AOX1: variants seen among roughly 807,000 people sequenced by gnomAD.
The protein encoded by AOX1 is aldehyde oxidase.
In AOX1, 153 loss-of-function variants were observed where a neutral mutation model predicts 169.5. The ratio of observed to expected loss-of-function variants is 0.90; its 90% CI spans 0.79 to 1.03. The LOEUF (loss-of-function observed/expected upper bound fraction) is 1.03, where lower values mean the gene tolerates loss of function less well. Among genes scored for constraint, AOX1 ranks in the 50% least tolerant of loss-of-function variants. The pLI, the probability that AOX1 is intolerant of heterozygous loss-of-function variation, is 0.00. For synonymous variants in AOX1, 562 were observed against 581.9 expected, an observed-to-expected ratio of 0.97 and a Z score of 0.49; for missense variants, 1,656 against 1,663.9, an observed-to-expected ratio of 1.00 and a Z score of 0.08.
chr2:200,623,725 A>T lies in AOX1; in HGVS notation c.2002-136A>T, dbSNP rs890885512. 13 of 1,320,090 alleles carry T rather than the reference A, an allele frequency of 9.8e-6. No individual in the cohort carries two copies. The Admixed American group carries it at 2.4e-4, about 25-fold the overall frequency. 81.8% of individuals were successfully genotyped at this position (1,320,090 alleles called of 1,614,324 possible). On this transcript the variant is annotated intron_variant, in intron 18 of 34. Transcript: ENST00000374700. ...CAGCTGTGGTTATAGTCATGGACAG[A>T]TGTGGAGGGGTCACACCTGTGTGTA...
intron 26 of AOX1, among the ~76,000 whole-genome samples, chr2:200,654,708 G>A (rs746829634): frequency 7.9e-5 from 12 of 152,304 alleles, no homozygotes; most frequent in Middle Eastern, 3.4e-3. Context: ...ACTTCTCATC[G>A]ATACCAGTAG....
chr2:200,639,264 C>T (rs1345904667), intron 23 of AOX1, among the ~76,000 whole-genome samples: 1 of 152,132 alleles, frequency 6.6e-6, no homozygotes, highest in African/African-American at 2.4e-5. Context: ...GGGCAGCAGA[C>T]AGGGAAGCGA....
At chr2:200,661,147 G>A (rs563894229) in intron 29 of AOX1, among the ~76,000 whole-genome samples, 1 of 152,258 alleles carries the variant, frequency 6.6e-6, no homozygotes, top group South Asian at 2.1e-4. Context: ...TGAAACAAAT[G>A]TGTCCAGAAA....
chr2:200,596,287 C>G (rs2106367495), intron 3 of AOX1, among the ~76,000 whole-genome samples: 1 of 152,310 alleles, frequency 6.6e-6, no homozygotes, highest in South Asian at 2.1e-4. Context: ...AGGGATTTCT[C>G]TTTGCTTACC....
chr2:200,638,086 A>G (rs1321248030), intron 22 of AOX1, 129 bp from the exon 23 acceptor site: 1 of 728,060 alleles, frequency 1.4e-6, no homozygotes, highest in East Asian at 2.9e-5. Flanking sequence ...GAGGATAGGC[A>G]TGCGAAATAG....
chr2:200,612,682 G>C lies in AOX1; in HGVS notation c.1337G>C (p.Arg446Thr). 1 of 1,614,144 alleles carries C rather than the reference G, an allele frequency of 6.2e-7. No homozygotes were observed. Among genetic ancestry groups the C allele is most frequent in the Non-Finnish European group, 8.5e-7 (1 of 1,180,020 alleles). Residue 446 changes from arginine (R) to threonine (T), a missense_variant, in exon 14 of 35, where the codon AGA (arginine) becomes ACA (threonine). By Grantham distance (71) the Arg-to-Thr change is moderately conservative. Transcript: ENST00000374700. Reference sequence around the variant, plus strand: ...CTAGCGATAGTCAATTCAGGAATGAGAGTCTTTTTTGGAGAAGGGGATGGC... The same window carrying C: ...CTAGCGATAGTCAATTCAGGAATGACAGTCTTTTTTGGAGAAGGGGATGGC... ...NALAIVNSGMRVFFGEGDGII... is the reference protein window; with the variant it reads ...NALAIVNSGMTVFFGEGDGII...
At chr2:200,664,572 G>T (rs527759775) in intron 31 of AOX1, among the ~76,000 whole-genome samples, 2 of 152,200 alleles carry the variant, frequency 1.3e-5, no homozygotes, top group African/African-American at 4.8e-5. Flanking sequence ...AAATTTTAAG[G>T]CATGTTCCTA....
At chr2:200,665,576 C>T (rs2035910164) in intron 31 of AOX1, among the ~76,000 whole-genome samples, 1 of 152,132 alleles carries the variant, frequency 6.6e-6, no homozygotes. Context: ...GGACTACAGG[C>T]ACGTGCCATC....
chr2:200,610,594 A>G (rs1273636336), intron 12 of AOX1, among the ~76,000 whole-genome samples: 2 of 152,210 alleles, frequency 1.3e-5, no homozygotes, highest in African/African-American at 4.8e-5. Flanking sequence ...AAAAAGTAAG[A>G]TAACATCTCA....
At chr2:200,609,530 T>A in intron 12 of AOX1, 116 bp downstream of exon 12, 1 of 806,744 alleles carries the variant, frequency 1.2e-6, no homozygotes, top group African/African-American at 1.7e-5. Flanking sequence ...TCAATACATT[T>A]CTCTGCTTTT....
At chr2:200,606,381 C>T (rs1198173064) in intron 10 of AOX1, among the ~76,000 whole-genome samples, 1 of 152,170 alleles carries the variant, frequency 6.6e-6, no homozygotes, top group African/African-American at 2.4e-5. Flanking sequence ...GTTTTGGTTA[C>T]TGTAGTCTTG....
At chr2:200,611,280 AAC>A in intron 12 of AOX1, 102 bp from the exon 13 acceptor site, 1 of 785,202 alleles carries the variant, frequency 1.3e-6, no homozygotes, top group Non-Finnish European at 2.2e-6. Context: ...TGTTTCCCTG[AAC>A]AACCGGTTTC....
At chr2:200,591,994 C>T (rs1421063069) in intron 1 of AOX1, among the ~76,000 whole-genome samples, 1 of 151,984 alleles carries the variant, frequency 6.6e-6, no homozygotes, top group Non-Finnish European at 1.5e-5. Flanking sequence ...TTGAAAATAG[C>T]TCAGGTTTTT....
rs1270120672 is a variant in AOX1, at chr2:200,669,584, G to C, written c.3808G>C (p.Glu1270Gln). 1.2e-6 allele frequency: 2 copies of C among 1,614,058 alleles called. No individual in the cohort carries two copies. The highest frequency in any genetic ancestry group is 1.1e-5 in the South Asian group (1 of 91,074). Residue 1270 changes from glutamate to glutamine, a missense_variant, in exon 34 of 35, where the codon GAG becomes CAG. Coordinates refer to ENST00000374700, the MANE Select transcript of AOX1 (RefSeq NM_001159.4). ...CATGCTTCCTTTCAAGGGTCTGGGA[G>C]AGTCGGGGGTGTTCCTGGGGTGTTC... is the stretch of plus-strand genomic sequence containing the variant. ...NTLYSSKGLG[E>Q]SGVFLGCSVF... is the part of the protein sequence containing the mutation.
intron 33 of AOX1, 25 bp from the exon 34 acceptor site, chr2:200,669,550 T>A (rs532565660): frequency 1.2e-6 from 2 of 1,613,016 alleles, no homozygotes; most frequent in Non-Finnish European, 1.7e-6. Context: ...AGAGGTATAA[T>A]CTAGTTGGCA....
intron 16 of AOX1, 107 bp from the exon 17 acceptor site, chr2:200,620,543 T>C: frequency 9.4e-7 from 1 of 1,065,820 alleles, no homozygotes; most frequent in Admixed American, 3.8e-5. Context: ...AGTATTCTGG[T>C]TTGAGTCTAA....
chr2:200,663,666 G>T (rs2035874918), intron 31 of AOX1, among the ~76,000 whole-genome samples: 1 of 151,886 alleles, frequency 6.6e-6, no homozygotes, highest in Non-Finnish European at 1.5e-5. Context: ...GCCTTCGGGA[G>T]TAAAAGAAGC....
chr2:200,625,373 C>G (rs987549191), intron 19 of AOX1, among the ~76,000 whole-genome samples: 1 of 152,168 alleles, frequency 6.6e-6, no homozygotes, highest in Non-Finnish European at 1.5e-5. Flanking sequence ...CTCCACTCCC[C>G]CTACCTTCCA....
At chr2:200,615,894 T>C in intron 15 of AOX1, 77 bp from the exon 16 acceptor site, 1 of 1,060,210 alleles carries the variant, frequency 9.4e-7, no homozygotes, top group Non-Finnish European at 1.5e-6. Flanking sequence ...TTGCTAAGAC[T>C]CATGCTAGCC....
Sources: gnomAD v4.1 joint callset for allele counts (sites outside exome capture counted in the v4.1 genomes callset) on GRCh38, gnomAD v4.1.1 for gene constraint, MANE v1.5 for transcripts, NCBI Gene and HGNC (gene_info 2026-07-23, HGNC 2026-07-21) for gene names.